The following SNAP47 variants were observed in gnomAD, a reference collection of about 807,000 sequenced individuals.
SNAP47 encodes synaptosomal-associated protein 47.
In SNAP47, 20 loss-of-function variants were observed where a neutral mutation model predicts 31.4. The ratio of observed to expected loss-of-function variants is 0.64; its 90% CI spans 0.45 to 0.93. SNAP47 has a LOEUF of 0.93. SNAP47 is among the 40% of genes least tolerant of loss of function. The pLI, the probability that SNAP47 is intolerant of heterozygous loss-of-function variation, is 0.00. For missense variants in SNAP47, 492 were observed against 528.5 expected (o/e 0.93, Z 0.68); for synonymous variants, 194 against 213.4 (o/e 0.91, Z 0.79).
At chr1:227,768,297 T>C in intron 4 of SNAP47, 1 of 985,446 alleles carries the variant, frequency 1.0e-6, no homozygotes, top group Non-Finnish European at 1.2e-6. Context: ...GACTGTGCAC[T>C]TTGGATCTTG....
upstream of SNAP47, chr1:227,734,743 G>C (rs1036571092): frequency 6.2e-7 from 1 of 1,614,122 alleles, no homozygotes; most frequent in Middle Eastern, 1.7e-4. Flanking sequence ...TGTAGTCTCT[G>C]AGAGTCATGT....
rs1231599525 is a variant in SNAP47, at chr1:227,763,651, C to T, written c.989-3308C>T. On this transcript the variant is annotated intron_variant, in intron 3 of 4. Coordinates refer to ENST00000617596, the MANE Select transcript of SNAP47 (RefSeq NM_053052.4). The surrounding 1 kb of genome is among the most constrained non-coding windows in gnomAD (Gnocchi z 4.2). ...TGGCCTGGAGCCTATCAGAGGATGC[C>T]GCTCAGCCCCCACCTGCGCGTGCGT... is the stretch of plus-strand genomic sequence containing the variant. 1.3e-5 allele frequency among the ~76,000 whole-genome samples: 2 copies of T among 152,184 alleles called. No individual in the cohort carries two copies. Among genetic ancestry groups the T allele is most frequent in the African/African-American group, 4.8e-5 (2 of 41,458 alleles).
upstream of SNAP47, among the ~76,000 whole-genome samples, chr1:227,730,034 T>C (rs372192937): frequency 2.0e-4 from 31 of 152,304 alleles, no homozygotes; most frequent in East Asian, 7.7e-4. Flanking sequence ...TATGTGCAGC[T>C]CCCACGTAGC....
intron 1 of SNAP47, among the ~76,000 whole-genome samples, chr1:227,736,707 A>G (rs1205986801): frequency 1.5e-4 from 10 of 66,032 alleles, no homozygotes; most frequent in African/African-American, 5.5e-4. Context: ...TTTTTTTTGT[A>G]GAGACAGGGT....
At chr1:227,735,266 C>A (rs545637599), upstream of SNAP47, 166 of 1,605,342 alleles carry the variant, frequency 1.0e-4, 1 homozygote, top group South Asian at 1.7e-3. Context: ...GCGCGTCTCG[C>A]GGTCCATCCA....
rs747043306 is a variant in SNAP47 at position 227,748,069 on chromosome 1, C to T, written c.333C>T (p.Asp111=). The change falls in exon 2 of 5, where the codon GAC becomes GAT. Residue 111 remains aspartate (D), a synonymous_variant. Coordinates refer to ENST00000617596, the MANE Select transcript of SNAP47 (RefSeq NM_053052.4). Reference sequence around the variant, plus strand: ...TGTCTCAGCCTGGAGCCGTGGCAGACGCATCTGTCCCAAGGACCCGGGGCG... The same window carrying T: ...TGTCTCAGCCTGGAGCCGTGGCAGATGCATCTGTCCCAAGGACCCGGGGCG... The part of the protein sequence containing the change: ...LLLSQPGAVA[D]ASVPRTRGEE... 90 of 1,614,026 alleles carry T rather than the reference C, an allele frequency of 5.6e-5. No homozygotes were observed. Among genetic ancestry groups the T allele is most frequent in the African/African-American group, 1.3e-4 (10 of 74,950 alleles).
At chr1:227,749,842 G>C (rs1025176198) in intron 2 of SNAP47, among the ~76,000 whole-genome samples, 2 of 140,698 alleles carry the variant, frequency 1.4e-5, no homozygotes, top group Admixed American at 1.4e-4. Flanking sequence ...CTGTGTGTGT[G>C]TGTTTCAGTA....
chr1:227,755,891 G>A (rs1662664626), intron 2 of SNAP47, among the ~76,000 whole-genome samples: 1 of 152,222 alleles, frequency 6.6e-6, no homozygotes, highest in Non-Finnish European at 1.5e-5. Context: ...CCAACGCCAG[G>A]GGGCCACTTT....
chr1:227,740,968 T>G (rs1212472297), intron 1 of SNAP47, among the ~76,000 whole-genome samples: 1 of 145,422 alleles, frequency 6.9e-6, no homozygotes, highest in Non-Finnish European at 1.5e-5. Flanking sequence ...CAGGAGGGGC[T>G]GTGAAATTGG....
intron 3 of SNAP47, among the ~76,000 whole-genome samples, chr1:227,761,890 G>A (rs1663087146): frequency 6.6e-6 from 1 of 152,196 alleles, no homozygotes; most frequent in African/African-American, 2.4e-5. Context: ...GTGTTTGTAA[G>A]TGGGTTCCTG....
chr1:227,769,081 T>C (rs1317085561), intron 4 of SNAP47, among the ~76,000 whole-genome samples: 2 of 152,166 alleles, frequency 1.3e-5, no homozygotes, highest in Non-Finnish European at 2.9e-5. Context: ...CCCGGGAGCG[T>C]TGGGGAGGTG....
At chr1:227,737,181 G>C (rs904406089) in intron 1 of SNAP47, among the ~76,000 whole-genome samples, 3 of 152,222 alleles carry the variant, frequency 2.0e-5, no homozygotes, top group Admixed American at 2.0e-4. Context: ...GTGTGCTGGA[G>C]AAATCAGCTC....
At chr1:227,749,584 A>G (rs1052760718) in intron 2 of SNAP47, among the ~76,000 whole-genome samples, 1 of 152,094 alleles carries the variant, frequency 6.6e-6, no homozygotes. Context: ...CTGGCATACT[A>G]TCCACCTTCC....
intron 1 of SNAP47, among the ~76,000 whole-genome samples, chr1:227,729,344 G>A (rs1660494411): frequency 6.6e-6 from 1 of 152,188 alleles, no homozygotes; most frequent in Non-Finnish European, 1.5e-5. Flanking sequence ...TTGGCTTCTA[G>A]GCCAGTGGAA....
At chr1:227,733,552 G>C, upstream of SNAP47, 1 of 1,606,604 alleles carries the variant, frequency 6.2e-7, no homozygotes, top group Non-Finnish European at 8.5e-7. Context: ...AGGTCACGTC[G>C]TAGGGCAGGT....
At chr1:227,758,939 T>C in intron 2 of SNAP47, 56 bp from the exon 3 acceptor site, 1 of 1,525,624 alleles carries the variant, frequency 6.6e-7, no homozygotes, top group Non-Finnish European at 8.8e-7. Flanking sequence ...AAAAAAAAGG[T>C]ATTACTCCTT....
Position 227,761,872 on chromosome 1 carries a change from G to A in SNAP47, c.988+2387G>A, listed in dbSNP as rs558612885. On this transcript the variant is annotated intron_variant, in intron 3 of 4. Coordinates refer to ENST00000617596, the MANE Select transcript of SNAP47 (RefSeq NM_053052.4). ...GTGGTGGCGAGCACTCCTGTGTTCC[G>A]CAGGCTGGTGTTTGTAAGTGGGTTC... 9.8e-5 allele frequency among the ~76,000 whole-genome samples: 15 copies of A among 152,296 alleles called. No individual in the cohort carries two copies. In the East Asian group the frequency reaches 2.3e-3, roughly 24 times the overall value.
chr1:227,780,536 A>G lies in SNAP47; in HGVS notation c.1123A>G (p.Arg375Gly). 4 of 1,614,050 alleles carry G rather than the reference A, an allele frequency of 2.5e-6. No homozygotes were observed. Among genetic ancestry groups the G allele is most frequent in the Non-Finnish European group, 2.5e-6 (3 of 1,180,020 alleles). Residue 375 changes from arginine to glycine, a missense_variant, in exon 5 of 5, where the codon AGG becomes GGG. Coordinates refer to ENST00000617596, the MANE Select transcript of SNAP47 (RefSeq NM_053052.4). The stretch of plus-strand genomic sequence containing the variant: ...TTGTGCTTCTCCCCAGATCCTGAGG[A>G]GGATGAAGGGGCTGGCCCTGGAGGC... ...DTQELTQILR[R>G]MKGLALEAES... is the part of the protein sequence containing the mutation.
At chr1:227,760,514 C>T (rs1017212520) in intron 3 of SNAP47, among the ~76,000 whole-genome samples, 21 of 152,152 alleles carry the variant, frequency 1.4e-4, no homozygotes, top group African/African-American at 4.1e-4. Flanking sequence ...TCCTGGGGGC[C>T]GGGCTGAGGG....
Sources: gnomAD v4.1 joint callset for allele counts (sites outside exome capture counted in the v4.1 genomes callset) on GRCh38, gnomAD v4.1.1 for gene constraint, Gnocchi (gnomAD v3.1) non-coding constraint, MANE v1.5 for transcripts, NCBI Gene and HGNC (gene_info 2026-07-23, HGNC 2026-07-21) for gene names.